Variants in FRY observed in about 807,000 individuals in gnomAD.
FRY encodes the protein FRY microtubule binding protein, also known as protein furry homolog.
In FRY, 128 loss-of-function variants were observed where a neutral mutation model predicts 348.4. The ratio of observed to expected loss-of-function variants is 0.37; its 90% CI spans 0.32 to 0.43. The LOEUF (loss-of-function observed/expected upper bound fraction) is 0.43. FRY is among the 20% of genes least tolerant of loss of function. The pLI, the probability that FRY is intolerant of heterozygous loss-of-function variation, is 1.00. For missense variants in FRY, 2,736 were observed against 3,695.2 expected, an observed-to-expected ratio of 0.74 and a Z score of 6.73; for synonymous variants, 1,370 against 1,374.7, an observed-to-expected ratio of 1.00 and a Z score of 0.08.
intron 28 of FRY, among the ~76,000 whole-genome samples, chr13:32,192,727 A>G (rs1239616779): frequency 6.8e-6 from 1 of 146,256 alleles, no homozygotes; most frequent in Non-Finnish European, 1.5e-5. Context: ...AAGAAGAGGC[A>G]CCAGAATGTT....
At chr13:32,086,447 C>T (rs936125994) in intron 2 of FRY, among the ~76,000 whole-genome samples, 2 of 152,222 alleles carry the variant, frequency 1.3e-5, no homozygotes, top group South Asian at 2.1e-4. Context: ...ACTCTCAAAC[C>T]CCTGGGTTTA....
At chr13:32,249,129 T>C (rs974874909) in intron 48 of FRY, among the ~76,000 whole-genome samples, 4 of 152,190 alleles carry the variant, frequency 2.6e-5, no homozygotes, top group African/African-American at 9.7e-5. Context: ...TTTAAATAAT[T>C]GAGAGTATAT....
chr13:32,156,399 C>T (rs1248355356), intron 15 of FRY, among the ~76,000 whole-genome samples: 3 of 152,014 alleles, frequency 2.0e-5, no homozygotes, highest in Admixed American at 6.6e-5. Flanking sequence ...GTTGGGAGTT[C>T]GAGACCAACC....
intron 31 of FRY, among the ~76,000 whole-genome samples, chr13:32,208,139 G>T (rs781334523): frequency 1.2e-4 from 19 of 152,202 alleles, no homozygotes; most frequent in Admixed American, 3.3e-4. Context: ...TCTCACAGGG[G>T]ACACACAGCC....
intron 51 of FRY, among the ~76,000 whole-genome samples, chr13:32,258,358 A>G (rs893814075): frequency 6.6e-6 from 1 of 152,182 alleles, no homozygotes; most frequent in African/African-American, 2.4e-5. Context: ...TCCCACCTGT[A>G]ATCCCAGCAT....
chr13:32,134,474 G>A lies in FRY; in HGVS notation c.886-430G>A, dbSNP rs143291429. On this transcript the variant is annotated intron_variant, in intron 8 of 60. Transcript: ENST00000542859. ...CAGGCATAGGGCCTAAAATAAGTTC[G>A]ATGTCTTCTGCCTCTCTTCCCATGT... is the stretch of plus-strand genomic sequence containing the variant. Among the ~76,000 whole-genome samples, 163 of 152,292 alleles carry A rather than the reference G, an allele frequency of 1.1e-3. 2 individuals carry two copies. Among genetic ancestry groups the A allele is most frequent in the Non-Finnish European group, 1.9e-3 (127 of 68,028 alleles).
In FRY at chr13:32,237,944, C is replaced by T. The variant is rs771733875; in HGVS notation, c.6376C>T (p.Pro2126Ser). Residue 2126 changes from proline (P) to serine (S), a missense_variant, in exon 44 of 61, where the codon CCA becomes TCA. Physicochemically the swap from Pro to Ser is moderately conservative, Grantham distance 74. Transcript: ENST00000542859. The surrounding 1 kb of genome is among the most constrained non-coding windows in gnomAD (Gnocchi z 6.3). ...CCTGCAGCTCTTCAGTCTGCTGACA[C>T]CAGTGTCCAAAATATCCATGGTGGA... is the stretch of plus-strand genomic sequence containing the variant. ...LTLQLFSLLTPVSKISMVDAS... is the reference protein window; with the variant it reads ...LTLQLFSLLTSVSKISMVDAS... 3 of 1,613,988 alleles carry T rather than the reference C, an allele frequency of 1.9e-6. No homozygotes were observed. Among genetic ancestry groups the T allele is most frequent in the Non-Finnish European group, 2.5e-6 (3 of 1,179,996 alleles).
At chr13:32,178,524 T>A in intron 21 of FRY, 88 bp downstream of exon 21, 8 of 1,356,358 alleles carry the variant, frequency 5.9e-6, no homozygotes, top group South Asian at 1.3e-5. Context: ...TGGGATGTTA[T>A]CATCCCAATT....
At chr13:32,294,337 T>C (rs897489914) in intron 59 of FRY, 31 bp from the exon 60 acceptor site, 43 of 1,519,336 alleles carry the variant, frequency 2.8e-5, no homozygotes, top group Admixed American at 2.2e-4. Flanking sequence ...AGCACCTAAA[T>C]ATAGTTTAAA....
At chr13:32,223,063 C>A (rs1885398349) in intron 36 of FRY, among the ~76,000 whole-genome samples, 1 of 152,098 alleles carries the variant, frequency 6.6e-6, no homozygotes, top group Admixed American at 6.5e-5. Context: ...AAACGATTAT[C>A]CTGCCTCAGC....
intron 46 of FRY, among the ~76,000 whole-genome samples, chr13:32,242,120 AT>A (rs1489908918): frequency 2.6e-5 from 4 of 152,128 alleles, no homozygotes; most frequent in Admixed American, 1.3e-4. Context: ...AATGTTCATA[AT>A]TTTTTCCATT....
At position 32,100,314 on chromosome 13, in the gene FRY, C is replaced by T. The variant is rs571657712; in HGVS notation, c.271-1649C>T. Among the ~76,000 whole-genome samples, 15 of 151,934 alleles carry T rather than the reference C, an allele frequency of 9.9e-5. 1 individual carries two copies. The highest frequency in any genetic ancestry group is 3.4e-4 in the African/African-American group (14 of 41,388). ...CAGGATGGTCTCCATCTCTTGACCT[C>T]GTGTTCTGCCCGCCTCGGCCTCCCA... On this transcript the variant is annotated intron_variant, in intron 2 of 60. Transcript: ENST00000542859.
intron 14 of FRY, among the ~76,000 whole-genome samples, chr13:32,155,272 C>A (rs1380122402): frequency 2.0e-5 from 3 of 152,114 alleles, no homozygotes; most frequent in African/African-American, 4.8e-5. Context: ...CCTCCACAGT[C>A]GGTGAAATCT....
chr13:32,107,122 C>T (rs1010125489), intron 3 of FRY, among the ~76,000 whole-genome samples: 1 of 152,176 alleles, frequency 6.6e-6, no homozygotes, highest in Non-Finnish European at 1.5e-5. Flanking sequence ...TTTGGGAGGC[C>T]GAGGCGGGTG....
intron 8 of FRY, among the ~76,000 whole-genome samples, chr13:32,132,876 T>C (rs1879455989): frequency 6.6e-6 from 1 of 152,234 alleles, no homozygotes; most frequent in South Asian, 2.1e-4. Flanking sequence ...GTGAAGCTGA[T>C]ACATGCCACA....
intron 2 of FRY, among the ~76,000 whole-genome samples, chr13:32,086,297 T>C (rs1875855906): frequency 6.6e-6 from 1 of 152,236 alleles, no homozygotes; most frequent in Non-Finnish European, 1.5e-5. Context: ...ATTGGTTTTT[T>C]ATTATAGCCC....
At chr13:32,137,697 A>T (rs1879807837) in intron 11 of FRY, among the ~76,000 whole-genome samples, 1 of 152,264 alleles carries the variant, frequency 6.6e-6, no homozygotes, top group African/African-American at 2.4e-5. Flanking sequence ...TGCAAATAGG[A>T]TGTATTTTTG....
At chr13:32,287,951 C>A in intron 58 of FRY, 1 of 649,550 alleles carries the variant, frequency 1.5e-6, no homozygotes, top group Non-Finnish European at 2.4e-6. Context: ...CCTATTTTTA[C>A]CGTTACTGTT....
At chr13:32,171,846 A>G (rs1349514589) in intron 18 of FRY, among the ~76,000 whole-genome samples, 1 of 152,288 alleles carries the variant, frequency 6.6e-6, no homozygotes, top group African/African-American at 2.4e-5. Context: ...TATGATTGCA[A>G]ATCTATTTGT....
Sources: gnomAD v4.1 joint callset for allele counts (sites outside exome capture counted in the v4.1 genomes callset) on GRCh38, gnomAD v4.1.1 for gene constraint, Gnocchi (gnomAD v3.1) non-coding constraint, MANE v1.5 for transcripts, NCBI Gene and HGNC (gene_info 2026-07-23, HGNC 2026-07-21) for gene names.